NRF1: variants seen among roughly 807,000 people sequenced by gnomAD.
NRF1 encodes the protein nuclear respiratory factor 1, also known as alpha palindromic-binding protein.
A neutral mutation model predicts 58.5 loss-of-function variants in NRF1; 5 were observed. That is an observed-to-expected ratio of 0.09 (90% CI 0.04 to 0.18). The LOEUF is 0.18. Ranked by LOEUF, NRF1 falls within the 10% of genes least tolerant of loss-of-function variation. The pLI is 1.00. For synonymous variants in NRF1, 224 were observed against 246.7 expected (o/e 0.91, Z 0.86); for missense variants, 288 against 657.7 (o/e 0.44, Z 6.15).
At chr7:129,730,654 TA>T (rs1803557283) in intron 10 of NRF1, among the ~76,000 whole-genome samples, 1 of 151,980 alleles carries the variant, frequency 6.6e-6, no homozygotes, top group Admixed American at 6.6e-5. Context: ...AGCAGTATCC[TA>T]GGGGATGGTG....
chr7:129,640,235 G>A (rs1404174517), intron 1 of NRF1, among the ~76,000 whole-genome samples: 1 of 152,150 alleles, frequency 6.6e-6, no homozygotes, highest in East Asian at 1.9e-4. Context: ...ACAAATTCAC[G>A]GCTGGGTGCT....
At chr7:129,654,389 A>G (rs984799388) in intron 1 of NRF1, among the ~76,000 whole-genome samples, 14 of 151,960 alleles carry the variant, frequency 9.2e-5, no homozygotes, top group South Asian at 2.1e-4. Context: ...TTTTACAACT[A>G]TTTCCTCCCT....
chr7:129,647,751 G>A (rs1390719971), intron 1 of NRF1, among the ~76,000 whole-genome samples: 2 of 152,182 alleles, frequency 1.3e-5, no homozygotes, highest in African/African-American at 2.4e-5. Flanking sequence ...GGATTATCGT[G>A]TTATTAGTAT....
At chr7:129,706,111 T>A (rs1185836607) in intron 5 of NRF1, among the ~76,000 whole-genome samples, 1 of 152,180 alleles carries the variant, frequency 6.6e-6, no homozygotes, top group African/African-American at 2.4e-5. Context: ...TTAGCAGCTC[T>A]TAAGACAGTG....
intron 10 of NRF1, among the ~76,000 whole-genome samples, chr7:129,736,570 G>A (rs1237976326): frequency 6.6e-6 from 1 of 151,630 alleles, no homozygotes; most frequent in Non-Finnish European, 1.5e-5. Context: ...CTTAACCTGG[G>A]GTCTATGGAC....
chr7:129,728,701 C>T (rs1803510063), intron 10 of NRF1, among the ~76,000 whole-genome samples: 1 of 152,184 alleles, frequency 6.6e-6, no homozygotes, highest in African/African-American at 2.4e-5. Flanking sequence ...CAAAGTACCT[C>T]TGTCCCGCCA....
chr7:129,617,946 A>G (rs1361126167), intron 1 of NRF1, among the ~76,000 whole-genome samples: 1 of 152,202 alleles, frequency 6.6e-6, no homozygotes, highest in Non-Finnish European at 1.5e-5. Flanking sequence ...GGTTGTGGCC[A>G]TATTGGGAAG....
At chr7:129,647,932 T>C (rs907168011) in intron 1 of NRF1, among the ~76,000 whole-genome samples, 1 of 152,244 alleles carries the variant, frequency 6.6e-6, no homozygotes, top group African/African-American at 2.4e-5. Flanking sequence ...GAGCTTTATT[T>C]ATCTAGTGAC....
At chr7:129,656,846 G>A (rs976101192) in intron 1 of NRF1, among the ~76,000 whole-genome samples, 5 of 152,132 alleles carry the variant, frequency 3.3e-5, no homozygotes, top group African/African-American at 1.2e-4. Flanking sequence ...CAAAGTGCTG[G>A]GACTACAGGC....
chr7:129,709,920 G>A (rs1177061831), intron 6 of NRF1, among the ~76,000 whole-genome samples: 2 of 151,736 alleles, frequency 1.3e-5, no homozygotes, highest in Non-Finnish European at 2.9e-5. Context: ...AGTAGAGATG[G>A]GGTTTCTCCA....
At chr7:129,634,042 AG>A (rs369748923) in intron 1 of NRF1, among the ~76,000 whole-genome samples, 26,280 of 90,200 alleles carry the variant, frequency 0.29, 3,012 homozygotes, top group East Asian at 0.54. Flanking sequence ...AAAAAAAAAA[AG>A]ATATATATAT....
intron 2 of NRF1, among the ~76,000 whole-genome samples, chr7:129,660,040 A>G (rs1180349748): frequency 6.6e-6 from 1 of 152,232 alleles, no homozygotes; most frequent in Non-Finnish European, 1.5e-5. Flanking sequence ...AAGGCAAGGA[A>G]GAGCAGGTCG....
intron 5 of NRF1, among the ~76,000 whole-genome samples, chr7:129,697,379 T>TA (rs1260849388): frequency 1.3e-5 from 2 of 150,988 alleles, no homozygotes; most frequent in Non-Finnish European, 3.0e-5. Flanking sequence ...CCGTCTCCAC[T>TA]AAAAATTTAA....
At chr7:129,637,858 G>A (rs1801202319) in intron 1 of NRF1, among the ~76,000 whole-genome samples, 1 of 147,570 alleles carries the variant, frequency 6.8e-6, no homozygotes, top group East Asian at 2.0e-4. Flanking sequence ...AGATTTTTTT[G>A]TGATTTTATT....
At chr7:129,649,145 G>T (rs965070706) in intron 1 of NRF1, among the ~76,000 whole-genome samples, 2 of 152,066 alleles carry the variant, frequency 1.3e-5, no homozygotes, top group Non-Finnish European at 2.9e-5. Context: ...TACTGCTGTG[G>T]TGAGATTTCC....
intron 4 of NRF1, among the ~76,000 whole-genome samples, chr7:129,687,632 A>G (rs1562970781): frequency 1.3e-5 from 2 of 152,112 alleles, no homozygotes; most frequent in Non-Finnish European, 1.5e-5. Flanking sequence ...AACAGCCAAG[A>G]CTCACATTCT....
chr7:129,645,793 A>C (rs186687562), intron 1 of NRF1, among the ~76,000 whole-genome samples: 2 of 152,104 alleles, frequency 1.3e-5, no homozygotes, highest in African/African-American at 4.8e-5. Context: ...TTTCCTGTCT[A>C]TGCTCCCTTC....
At chr7:129,683,312 TGTGTGTGTGAGA>T (rs1400519939) in intron 4 of NRF1, among the ~76,000 whole-genome samples, 2 of 141,754 alleles carry the variant, frequency 1.4e-5, no homozygotes, top group African/African-American at 2.7e-5. Flanking sequence ...TGTGTGTGTG[TGTGTGTGTGAGA>T]GAGAGAGAGA....
chr7:129,657,450 C>T lies in NRF1; in HGVS notation c.99C>T (p.Thr33=), dbSNP rs146957182. Residue 33 remains threonine (T), a synonymous_variant, in exon 2 of 11, where the codon ACC becomes ACT. Coordinates refer to ENST00000393232, the MANE Select transcript of NRF1 (RefSeq NM_005011.5). ...QVQQVHVATY[T]EHSMLSADED... is the part of the protein sequence containing the mutation. ...AGCAGGTCCATGTGGCTACTTACAC[C>T]GAGCATAGTATGCTGAGTGCTGATG... is the stretch of plus-strand genomic sequence containing the variant. The T allele has an allele frequency of 1.1e-4, 185 of 1,613,954 alleles. No homozygotes were observed. Among genetic ancestry groups the T allele is most frequent in the Non-Finnish European group, 1.4e-4 (167 of 1,179,956 alleles).
Sources: allele counts gnomAD v4.1 joint callset (sites outside exome capture counted in the v4.1 genomes callset), GRCh38; gene constraint gnomAD v4.1.1; transcripts MANE v1.5; gene names NCBI Gene and HGNC (gene_info 2026-07-23, HGNC 2026-07-21).